Variants in PSD3 observed in about 807,000 individuals in gnomAD.
The protein encoded by PSD3 is PH and SEC7 domain-containing protein 3.
A neutral mutation model predicts 105.5 loss-of-function variants in PSD3; 49 were observed. The observed-to-expected ratio is 0.46, with a 90% CI of 0.37 to 0.59. The LOEUF (loss-of-function observed/expected upper bound fraction) is 0.59, where lower values mean the gene tolerates loss of function less well. Ranked by LOEUF, PSD3 falls within the 20% of genes least tolerant of loss-of-function variation. The pLI, the probability that PSD3 is intolerant of heterozygous loss-of-function variation, is 0.00. For synonymous variants in PSD3, 557 were observed against 457.8 expected, an observed-to-expected ratio of 1.22 and a Z score of -2.77; for missense variants, 1,561 against 1,263.8, an observed-to-expected ratio of 1.24 and a Z score of -3.57.
intron 4 of PSD3, chr8:18,865,286 ATTTTTTTTT>A (rs375872604): frequency 3.5e-4 from 5 of 14,124 alleles, no homozygotes; most frequent in African/African-American, 1.6e-3. Context: ...ATATATATAT[ATTTTTTTTT>A]TTTTTTTTTT....
chr8:19,081,277 T>A (rs776916883), intron 1 of PSD3, among the ~76,000 whole-genome samples: 4 of 152,168 alleles, frequency 2.6e-5, no homozygotes, highest in African/African-American at 9.7e-5. Flanking sequence ...CAAGGTTAGG[T>A]CACTAGACCT....
chr8:18,894,786 A>T (rs574818944), intron 2 of PSD3, among the ~76,000 whole-genome samples: 1 of 152,332 alleles, frequency 6.6e-6, no homozygotes, highest in East Asian at 1.9e-4. Context: ...AAAAATACAA[A>T]GTAAACCATA....
intron 9 of PSD3, among the ~76,000 whole-genome samples, chr8:18,695,259 A>T (rs1019877974): frequency 1.6e-4 from 21 of 130,798 alleles, no homozygotes; most frequent in Non-Finnish European, 2.6e-4. Context: ...TGAAATCTTA[A>T]TCTCTCTCAG....
At chr8:18,647,207 A>T (rs978519278) in intron 10 of PSD3, among the ~76,000 whole-genome samples, 2 of 152,254 alleles carry the variant, frequency 1.3e-5, no homozygotes, top group African/African-American at 4.8e-5. Flanking sequence ...ATTTGCAACA[A>T]GGAAATGAAA....
chr8:19,065,716 G>T (rs1829053444), intron 1 of PSD3, among the ~76,000 whole-genome samples: 1 of 152,128 alleles, frequency 6.6e-6, no homozygotes, highest in Non-Finnish European at 1.5e-5. Flanking sequence ...AACCTCCATG[G>T]GTTCAGCTAT....
chr8:18,765,112 T>G (rs1413797923), intron 9 of PSD3, among the ~76,000 whole-genome samples: 1 of 152,216 alleles, frequency 6.6e-6, no homozygotes, highest in Non-Finnish European at 1.5e-5. Flanking sequence ...AATGCTACTC[T>G]GTTTCCGTAG....
Position 18,583,249 on chromosome 8 carries a change from G to A in PSD3, c.2482-7964C>T, listed in dbSNP as rs139182235. Among the ~76,000 whole-genome samples the A allele has an allele frequency of 2.7e-3, 404 of 152,214 alleles. 8 individuals carry two copies. The highest frequency in any genetic ancestry group is 1.7e-3 in the East Asian group (9 of 5,144). ...AGTTGAGGAATTCAAGACCAGCCTGGGTAACGAAGTGAGATCCCGTTTCTA... is the reference window on the plus strand; with the variant it reads ...AGTTGAGGAATTCAAGACCAGCCTGAGTAACGAAGTGAGATCCCGTTTCTA... On this transcript the variant is annotated intron_variant, in intron 12 of 15. Transcript: ENST00000327040.
intron 11 of PSD3, among the ~76,000 whole-genome samples, chr8:18,631,403 T>C (rs889206544): frequency 2.6e-5 from 4 of 151,972 alleles, no homozygotes; most frequent in African/African-American, 7.2e-5. Flanking sequence ...TAGAACAGAC[T>C]AAATGAGAAG....
intron 11 of PSD3, among the ~76,000 whole-genome samples, chr8:18,611,317 C>T (rs917840905): frequency 2.6e-5 from 4 of 151,142 alleles, no homozygotes; most frequent in African/African-American, 9.7e-5. Flanking sequence ...AGCAGGAAGA[C>T]ATGGAATCAA....
At chr8:18,678,139 C>G (rs1800175794) in intron 9 of PSD3, among the ~76,000 whole-genome samples, 1 of 152,070 alleles carries the variant, frequency 6.6e-6, no homozygotes, top group Non-Finnish European at 1.5e-5. Flanking sequence ...AAATAGGCTT[C>G]TGAAGATAAA....
chr8:18,706,501 T>C (rs1246571640), intron 9 of PSD3, among the ~76,000 whole-genome samples: 1 of 152,290 alleles, frequency 6.6e-6, no homozygotes, highest in African/African-American at 2.4e-5. Context: ...AAAGAAATAA[T>C]CATTGTTCAC....
At chr8:18,890,585 A>ACCCTCC (rs1354754246) in intron 2 of PSD3, among the ~76,000 whole-genome samples, 3 of 152,070 alleles carry the variant, frequency 2.0e-5, no homozygotes, top group Non-Finnish European at 4.4e-5. Flanking sequence ...TATACATACG[A>ACCCTCC]CCCTCCCGGT....
intron 9 of PSD3, among the ~76,000 whole-genome samples, chr8:18,672,521 G>T (rs931662208): frequency 1.4e-4 from 21 of 152,170 alleles, no homozygotes; most frequent in Non-Finnish European, 2.5e-4. Context: ...TGGATAGCAG[G>T]CTTCAAATTT....
At chr8:18,909,458 TTTC>T (rs1471925795) in intron 2 of PSD3, among the ~76,000 whole-genome samples, 11 of 151,990 alleles carry the variant, frequency 7.2e-5, no homozygotes, top group South Asian at 2.1e-4. Context: ...ATTTTGTATT[TTTC>T]TTCTTCTTAT....
intron 4 of PSD3, among the ~76,000 whole-genome samples, chr8:18,825,028 C>T (rs1420976960): frequency 1.3e-5 from 2 of 152,150 alleles, no homozygotes. Context: ...TCCAGCATTT[C>T]TCAGATTTAT....
chr8:18,550,348 T>C (rs876983), intron 15 of PSD3, among the ~76,000 whole-genome samples: 60,488 of 152,140 alleles, frequency 0.4, 14,192 homozygotes, highest in Non-Finnish European at 0.54. Flanking sequence ...CATTATGTAA[T>C]ACAAAATGCA....
At chr8:18,600,986 T>C (rs73211779) in intron 11 of PSD3, among the ~76,000 whole-genome samples, 5,557 of 152,336 alleles carry the variant, frequency 0.036, 167 homozygotes, top group East Asian at 0.12. Context: ...ATATCTCTAC[T>C]GAGGATCTTG....
chr8:18,974,610 T>C (rs1586560408), intron 1 of PSD3, among the ~76,000 whole-genome samples: 1 of 151,678 alleles, frequency 6.6e-6, no homozygotes. Context: ...CCCACTCCCC[T>C]GGACCCTACA....
chr8:18,977,328 T>C (rs1346815740), intron 1 of PSD3, among the ~76,000 whole-genome samples: 2 of 151,780 alleles, frequency 1.3e-5, no homozygotes, highest in African/African-American at 2.4e-5. Context: ...ACTAGCTGTA[T>C]GGCTTTGGGA....
Sources: allele counts gnomAD v4.1 joint callset (sites outside exome capture counted in the v4.1 genomes callset), GRCh38; gene constraint gnomAD v4.1.1; transcripts MANE v1.5; gene names NCBI Gene and HGNC (gene_info 2026-07-23, HGNC 2026-07-21).